Variants in ABCD3 observed in about 807,000 individuals in gnomAD.
The protein encoded by ABCD3 is ATP-binding cassette sub-family D member 3.
In ABCD3, 41 loss-of-function variants were observed where a neutral mutation model predicts 105.5. The ratio of observed to expected loss-of-function variants is 0.39; its 90% confidence interval spans 0.30 to 0.50. The LOEUF (loss-of-function observed/expected upper bound fraction) is 0.50. Among genes scored for constraint, ABCD3 ranks in the 20% least tolerant of loss-of-function variants. ABCD3 has a pLI of 0.84. For synonymous variants in ABCD3, 258 were observed against 269.0 expected (o/e 0.96, Z 0.40); for missense variants, 622 against 806.3 (o/e 0.77, Z 2.77).
At chr1:94,447,516 T>C (rs374427423) in intron 1 of ABCD3, among the ~76,000 whole-genome samples, 37 of 152,356 alleles carry the variant, frequency 2.4e-4, no homozygotes, top group African/African-American at 8.9e-4. Context: ...GCCTGCTAAG[T>C]GTTTTCATTG....
chr1:94,479,849 G>T (rs992058144), intron 8 of ABCD3, among the ~76,000 whole-genome samples: 4 of 151,994 alleles, frequency 2.6e-5, no homozygotes, highest in African/African-American at 9.7e-5. Context: ...TTTCTCTTGG[G>T]ATGGTCAATG....
At chr1:94,515,622 A>G (rs935482990) in intron 22 of ABCD3, among the ~76,000 whole-genome samples, 1 of 151,986 alleles carries the variant, frequency 6.6e-6, no homozygotes, top group African/African-American at 2.4e-5. Flanking sequence ...TTATCAATGT[A>G]CTGTAGTAAG....
chr1:94,402,575 A>G, the ABCD3 span, among the ~76,000 whole-genome samples: 1 of 152,168 alleles, frequency 6.6e-6, no homozygotes, highest in Non-Finnish European at 1.5e-5. Context: ...CATTGATATA[A>G]TACTCTAACC....
intron 9 of ABCD3, 40 bp downstream of exon 9, chr1:94,480,646 T>C: frequency 6.2e-7 from 1 of 1,608,536 alleles, no homozygotes; most frequent in Non-Finnish European, 8.5e-7. Flanking sequence ...AAAATTAATT[T>C]CTATGGATAT....
At position 94,500,407 on chromosome 1, in the gene ABCD3, C is replaced by T. The variant is rs189816242; in HGVS notation, c.1740+793C>T. The stretch of plus-strand genomic sequence containing the variant: ...TGGGCTGTGATCACACACCGTGGCA[C>T]TCCAGGCTGGGCGATAGAAGGAGAT... On this transcript the variant is annotated intron_variant, in intron 20 of 22. Coordinates refer to ENST00000370214, the MANE Select transcript of ABCD3 (RefSeq NM_002858.4). 2.0e-3 allele frequency among the ~76,000 whole-genome samples: 297 copies of T among 152,170 alleles called. 2 individuals are homozygous for T. Among genetic ancestry groups the T allele is most frequent in the African/African-American group, 6.8e-3 (284 of 41,502 alleles).
chr1:94,483,334 A>C (rs1253423197), intron 10 of ABCD3, 95 bp downstream of exon 10: 1 of 872,986 alleles, frequency 1.1e-6, no homozygotes, highest in Non-Finnish European at 1.9e-6. Flanking sequence ...CACACACACA[A>C]ACACACACGT....
chr1:94,445,263 T>C (rs1052256159), intron 1 of ABCD3, among the ~76,000 whole-genome samples: 5 of 152,184 alleles, frequency 3.3e-5, no homozygotes, highest in African/African-American at 1.2e-4. Context: ...CTAGCGCCAC[T>C]GGGTTAAGGT....
At chr1:94,495,823 G>T (rs1320351170) in intron 16 of ABCD3, among the ~76,000 whole-genome samples, 1 of 152,112 alleles carries the variant, frequency 6.6e-6, no homozygotes, top group Non-Finnish European at 1.5e-5. Context: ...CTGAACTTTA[G>T]GACCTTCTAA....
At chr1:94,516,942 T>C in intron 22 of ABCD3, 110 bp from the exon 23 acceptor site, 1 of 810,838 alleles carries the variant, frequency 1.2e-6, no homozygotes, top group Admixed American at 1.7e-5. Context: ...GGGATGCTTA[T>C]AGATTTAGCT....
intron 19 of ABCD3, 37 bp downstream of exon 19, chr1:94,499,071 A>G: frequency 6.6e-7 from 1 of 1,505,976 alleles, no homozygotes. Context: ...CACTGAAAAT[A>G]CTCCAGATTA....
At chr1:94,404,777 C>A in the ABCD3 span, among the ~76,000 whole-genome samples, 3 of 151,536 alleles carry the variant, frequency 2.0e-5, no homozygotes, top group African/African-American at 7.3e-5. Flanking sequence ...AAGTTAGCAT[C>A]CTTCATAAGC....
intron 3 of ABCD3, among the ~76,000 whole-genome samples, chr1:94,467,009 A>G (rs1165910060): frequency 1.3e-5 from 2 of 152,204 alleles, no homozygotes; most frequent in African/African-American, 4.8e-5. Context: ...ATCTCACAGA[A>G]AGATAACTGA....
At position 94,505,493 on chromosome 1, in the gene ABCD3, C is replaced by T. The variant is rs564464173; in HGVS notation, c.1741-1045C>T. ...CCTCACAAAGTGCTGGGATTATAGG[C>T]GTGACCCACTGTGCCTGGCTGATAT... On this transcript the variant is annotated intron_variant, in intron 20 of 22. Coordinates refer to ENST00000370214, the MANE Select transcript of ABCD3 (RefSeq NM_002858.4). Among the ~76,000 whole-genome samples, 37 of 151,512 alleles carry T rather than the reference C, an allele frequency of 2.4e-4. 1 individual carries two copies. The South Asian group carries it at 7.5e-3, about 31-fold the overall frequency.
intron 3 of ABCD3, among the ~76,000 whole-genome samples, chr1:94,467,284 A>G (rs1648197609): frequency 6.6e-6 from 1 of 151,986 alleles, no homozygotes; most frequent in Admixed American, 6.6e-5. Flanking sequence ...CATATTTCTA[A>G]TGCCATAACT....
chr1:94,475,470 T>G, intron 6 of ABCD3, 144 bp from the exon 7 acceptor site: 1 of 863,860 alleles, frequency 1.2e-6, no homozygotes, highest in Non-Finnish European at 1.8e-6. Context: ...TAAAAATCAG[T>G]TAGGGCAATC....
At chr1:94,502,874 TG>T (rs1650166371) in intron 20 of ABCD3, among the ~76,000 whole-genome samples, 1 of 152,128 alleles carries the variant, frequency 6.6e-6, no homozygotes, top group Non-Finnish European at 1.5e-5. Flanking sequence ...TTAAAGCTGG[TG>T]GTGGGGGCTT....
chr1:94,442,675 A>G (rs1291377323), intron 1 of ABCD3, among the ~76,000 whole-genome samples: 5 of 152,124 alleles, frequency 3.3e-5, no homozygotes, highest in Non-Finnish European at 7.4e-5. Flanking sequence ...CTGTATGTCT[A>G]TGTGTACACA....
intron 6 of ABCD3, 141 bp from the exon 7 acceptor site, chr1:94,475,473 G>A: frequency 1.1e-6 from 1 of 877,818 alleles, no homozygotes; most frequent in East Asian, 2.6e-5. Context: ...AAATCAGTTA[G>A]GGCAATCAAT....
intron 10 of ABCD3, among the ~76,000 whole-genome samples, chr1:94,484,691 C>T (rs1335918584): frequency 3.3e-5 from 5 of 151,968 alleles, no homozygotes; most frequent in Non-Finnish European, 7.4e-5. Context: ...ATGTAAATGA[C>T]GACTTAATGA....
Sources: gnomAD v4.1 joint callset for allele counts (sites outside exome capture counted in the v4.1 genomes callset) on GRCh38, gnomAD v4.1.1 for gene constraint, MANE v1.5 for transcripts, NCBI Gene and HGNC (gene_info 2026-07-23, HGNC 2026-07-21) for gene names.